The following SCD5 variants were observed in gnomAD, a reference collection of about 807,000 sequenced individuals.
SCD5 encodes the protein acyl-CoA-desaturase 4.
A neutral mutation model predicts 30.4 loss-of-function variants in SCD5; 20 were observed. That is an observed-to-expected ratio of 0.66 (90% CI 0.46 to 0.96). The LOEUF is 0.96. Among genes scored for constraint, SCD5 ranks in the 40% least tolerant of loss-of-function variants. SCD5 has a pLI of 0.00. For synonymous variants in SCD5, 173 were observed against 176.4 expected, an observed-to-expected ratio of 0.98 and a Z score of 0.16; for missense variants, 381 against 443.3, an observed-to-expected ratio of 0.86 and a Z score of 1.26.
chr4:82,683,127 A>C (rs1383371460), intron 2 of SCD5, among the ~76,000 whole-genome samples: 1 of 152,230 alleles, frequency 6.6e-6, no homozygotes, highest in East Asian at 1.9e-4. Flanking sequence ...TTTGAATATA[A>C]AGAGAGAAAA....
intron 1 of SCD5, among the ~76,000 whole-genome samples, chr4:82,757,638 G>T (rs1721261659): frequency 6.6e-6 from 1 of 152,132 alleles, no homozygotes; most frequent in South Asian, 2.1e-4. Context: ...GAAAGTGCTG[G>T]GCACATATCC....
intron 3 of SCD5, among the ~76,000 whole-genome samples, chr4:82,667,008 T>C (rs1728204030): frequency 6.6e-6 from 1 of 152,208 alleles, no homozygotes; most frequent in African/African-American, 2.4e-5. Flanking sequence ...ATAGCTATTA[T>C]TGGCTACTGA....
intron 1 of SCD5, among the ~76,000 whole-genome samples, chr4:82,767,314 C>G (rs1357931218): frequency 6.6e-6 from 1 of 152,112 alleles, no homozygotes; most frequent in Non-Finnish European, 1.5e-5. Flanking sequence ...CTCTGCAGCT[C>G]TCTTCTCTCT....
intron 1 of SCD5, among the ~76,000 whole-genome samples, chr4:82,760,325 C>T (rs545092656): frequency 6.6e-6 from 1 of 152,240 alleles, no homozygotes; most frequent in South Asian, 2.1e-4. Flanking sequence ...AATAAGTCTG[C>T]TCCTTTCCCC....
At chr4:82,677,945 C>G (rs1466094847) in intron 3 of SCD5, among the ~76,000 whole-genome samples, 3 of 151,812 alleles carry the variant, frequency 2.0e-5, no homozygotes, top group Non-Finnish European at 4.4e-5. Flanking sequence ...AATAAAGGGC[C>G]CAGCCAGGAG....
Position 82,698,299 on chromosome 4 carries a change from G to A in SCD5, c.363+6984C>T, listed in dbSNP as rs1218785798. On this transcript the variant is annotated intron_variant, in intron 2 of 4. Transcript: ENST00000319540. ...TCCTGAGCTGCACTAAAGTTCTGGT[G>A]TTTTGTTCTCTTCTACACAACCGCC... 3.9e-5 allele frequency among the ~76,000 whole-genome samples: 6 copies of A among 152,126 alleles called. No individual in the cohort carries two copies. The East Asian group carries it at 1.2e-3, about 29-fold the overall frequency.
chr4:82,668,552 T>C (rs1728240727), intron 3 of SCD5, among the ~76,000 whole-genome samples: 1 of 152,156 alleles, frequency 6.6e-6, no homozygotes, highest in African/African-American at 2.4e-5. Flanking sequence ...AATGAATAAG[T>C]GATACATGTA....
intron 3 of SCD5, among the ~76,000 whole-genome samples, chr4:82,638,759 C>G (rs1044209833): frequency 2.0e-5 from 3 of 152,138 alleles, no homozygotes; most frequent in Non-Finnish European, 2.9e-5. Flanking sequence ...TGAGAAGTAC[C>G]CAACACAGGT....
chr4:82,768,337 G>C (rs774606273), intron 1 of SCD5, among the ~76,000 whole-genome samples: 1 of 152,074 alleles, frequency 6.6e-6, no homozygotes, highest in Non-Finnish European at 1.5e-5. Context: ...TGAAAACACT[G>C]TTGCCTGACA....
chr4:82,767,555 G>T (rs866306756), intron 1 of SCD5, among the ~76,000 whole-genome samples: 1 of 152,090 alleles, frequency 6.6e-6, no homozygotes, highest in Admixed American at 6.5e-5. Context: ...CACATATTTT[G>T]TCTAGTTTTT....
At chr4:82,652,550 C>A (rs1727779157) in intron 3 of SCD5, among the ~76,000 whole-genome samples, 1 of 152,066 alleles carries the variant, frequency 6.6e-6, no homozygotes, top group Admixed American at 6.6e-5. Context: ...CTTCTCAGAG[C>A]CTCAGATTCT....
chr4:82,733,647 GC>G (rs759484875), intron 1 of SCD5, among the ~76,000 whole-genome samples: 8 of 152,148 alleles, frequency 5.3e-5, no homozygotes, highest in Non-Finnish European at 1.2e-4. Context: ...GGAAACAAGA[GC>G]CTGAGAATTC....
At chr4:82,782,972 C>A (rs539568247) in intron 1 of SCD5, among the ~76,000 whole-genome samples, 3 of 152,322 alleles carry the variant, frequency 2.0e-5, no homozygotes, top group African/African-American at 7.2e-5. Flanking sequence ...CACTCCCAGG[C>A]CACCTGCTTC....
intron 1 of SCD5, among the ~76,000 whole-genome samples, chr4:82,739,481 G>A (rs1052308776): frequency 1.3e-5 from 2 of 152,220 alleles, no homozygotes; most frequent in African/African-American, 2.4e-5. Context: ...ACCCCCTGCC[G>A]GTGGCCTCCC....
chr4:82,752,267 A>T (rs200629586), intron 1 of SCD5, among the ~76,000 whole-genome samples: 1 of 105,394 alleles, frequency 9.5e-6, no homozygotes, highest in East Asian at 2.8e-4. Flanking sequence ...CTTGAATTTT[A>T]AAAAATTATA....
At chr4:82,737,950 A>T (rs1381751646) in intron 1 of SCD5, among the ~76,000 whole-genome samples, 1 of 92,532 alleles carries the variant, frequency 1.1e-5, no homozygotes, top group African/African-American at 3.3e-5. Flanking sequence ...GGTCAATCTA[A>T]TTAGCTAAAA....
At chr4:82,715,186 A>AGCCG in intron 1 of SCD5, among the ~76,000 whole-genome samples, 11 of 151,350 alleles carry the variant, frequency 7.3e-5, no homozygotes, top group African/African-American at 2.7e-4. Context: ...GCAGTGCACT[A>AGCCG]AGATCATGCC....
chr4:82,655,410 C>T (rs1486800733), intron 3 of SCD5, among the ~76,000 whole-genome samples: 1 of 152,198 alleles, frequency 6.6e-6, no homozygotes, highest in African/African-American at 2.4e-5. Flanking sequence ...GTTCATTAGT[C>T]AGGGGTGTGT....
chr4:82,634,530 T>C (rs181542049), intron 4 of SCD5, among the ~76,000 whole-genome samples: 3 of 152,164 alleles, frequency 2.0e-5, no homozygotes, highest in Admixed American at 6.5e-5. Flanking sequence ...TAAAGAGCGG[T>C]ATGGAAAAGT....
Sources: gnomAD v4.1 joint callset for allele counts (sites outside exome capture counted in the v4.1 genomes callset) on GRCh38, gnomAD v4.1.1 for gene constraint, MANE v1.5 for transcripts, NCBI Gene and HGNC (gene_info 2026-07-23, HGNC 2026-07-21) for gene names.